GLIPR1L1: variants seen among roughly 807,000 people sequenced by gnomAD.
GLIPR1L1 encodes GLIPR1 like 1.
A neutral mutation model predicts 29.9 loss-of-function variants in GLIPR1L1; 26 were observed. The observed-to-expected ratio is 0.87, with a 90% CI of 0.64 to 1.21. The LOEUF (loss-of-function observed/expected upper bound fraction) is 1.21, where lower values mean the gene tolerates loss of function less well. Ranked by LOEUF, GLIPR1L1 falls within the 50% of genes most tolerant of loss-of-function variation. The pLI is 0.00. For missense variants in GLIPR1L1, 305 were observed against 290.3 expected, an observed-to-expected ratio of 1.05 and a Z score of -0.37; for synonymous variants, 77 against 97.5, an observed-to-expected ratio of 0.79 and a Z score of 1.24.
intron 4 of GLIPR1L1, chr12:75,369,443 G>T (rs1028933611): frequency 2.7e-5 from 23 of 837,578 alleles, no homozygotes; most frequent in Admixed American, 6.2e-5. Flanking sequence ...GTAGTAGAAG[G>T]TCAAAAAAAT....
chr12:75,365,564 C>T (rs1376530852), intron 4 of GLIPR1L1, among the ~76,000 whole-genome samples: 1 of 151,948 alleles, frequency 6.6e-6, no homozygotes, highest in African/African-American at 2.4e-5. Flanking sequence ...AAAATGTTTT[C>T]CTATCATTTT....
At position 75,343,832 on chromosome 12, in the gene GLIPR1L1, T is replaced by C. The variant is rs777594867; in HGVS notation, c.314T>C (p.Ile105Thr). 4.3e-6 allele frequency: 7 copies of C among 1,613,276 alleles called. No homozygotes were observed. The South Asian group carries it at 6.6e-5, about 15-fold the overall frequency. Residue 105 changes from isoleucine (I) to threonine (T), a missense_variant, in exon 2 of 6, where the codon ATA becomes ACA. Ile to Thr is a moderately conservative substitution (Grantham distance 89, BLOSUM62 -1). Coordinates refer to ENST00000378695, the MANE Select transcript of GLIPR1L1 (RefSeq NM_001304964.2). Reference protein sequence around the residue: ...YVGENIWLGGIKSFTPRHAIT... With the variant: ...YVGENIWLGGTKSFTPRHAIT... ...GGAGAAAATATCTGGTTAGGTGGAA[T>C]AAAGTCATTCACACCAAGACATGCC... is the stretch of plus-strand genomic sequence containing the variant.
chr12:75,360,502 A>T (rs2043501797), intron 3 of GLIPR1L1: 1 of 152,184 alleles, frequency 6.6e-6, no homozygotes, highest in South Asian at 2.1e-4. Context: ...CACAAGTCCA[A>T]AATCCAGTGG....
chr12:75,343,561 A>T (rs2042255888), intron 1 of GLIPR1L1, 132 bp from the exon 2 acceptor site: 2 of 709,672 alleles, frequency 2.8e-6, no homozygotes, highest in Non-Finnish European at 4.5e-6. Flanking sequence ...CTATGCACAT[A>T]ATAAATACCA....
rs144691055 is a variant in GLIPR1L1, at chr12:75,347,645, T to C, written c.444T>C (p.Tyr148=). The change falls in exon 3 of 6, where the codon TAT becomes TAC. Residue 148 remains tyrosine (Y), a synonymous_variant. Coordinates refer to ENST00000378695, the MANE Select transcript of GLIPR1L1 (RefSeq NM_001304964.2). Reference sequence around the variant, plus strand: ...AGTTAGTTTGGGCCAATTCATTTTATGTCGGTTGTGCAGTTGCAATGTGTC... The same window carrying C: ...AGTTAGTTTGGGCCAATTCATTTTACGTCGGTTGTGCAGTTGCAATGTGTC... ...YTQLVWANSF[Y]VGCAVAMCPN... 7.8e-5 allele frequency: 125 copies of C among 1,609,710 alleles called. No individual in the cohort carries two copies. The African/African-American group carries it at 1.3e-3, about 16-fold the overall frequency.
chr12:75,341,613 A>T (rs982667277), intron 1 of GLIPR1L1, among the ~76,000 whole-genome samples: 38 of 151,166 alleles, frequency 2.5e-4, no homozygotes, highest in African/African-American at 9.0e-4. Flanking sequence ...CGCCCGCAGA[A>T]TTTTTTGTAT....
intron 1 of GLIPR1L1, among the ~76,000 whole-genome samples, chr12:75,337,835 T>C (rs1291127737): frequency 6.6e-6 from 1 of 152,174 alleles, no homozygotes; most frequent in African/African-American, 2.4e-5. Context: ...TTTTCGACTA[T>C]TGTCTTCTTT....
At chr12:75,339,358 G>C (rs2139282454) in intron 1 of GLIPR1L1, among the ~76,000 whole-genome samples, 1 of 152,170 alleles carries the variant, frequency 6.6e-6, no homozygotes, top group African/African-American at 2.4e-5. Context: ...AACTGATGTT[G>C]AGCTTTTTTT....
At position 75,370,459 on chromosome 12, in the gene GLIPR1L1, A is replaced by C; in HGVS notation, c.*283A>C. On this transcript the variant is annotated 3_prime_UTR_variant, in exon 6 of 6. Coordinates refer to ENST00000378695, the MANE Select transcript of GLIPR1L1 (RefSeq NM_001304964.2). The stretch of plus-strand genomic sequence containing the variant: ...GAGAATGGATTATCATTTTAGTTAT[A>C]GTACATTTAGAGAACTAAAGACTTT... 1 of 230,206 alleles carries C rather than the reference A, an allele frequency of 4.3e-6. No homozygotes were observed. Among genetic ancestry groups the C allele is most frequent in the South Asian group, 1.1e-4 (1 of 9,358 alleles). 14.3% of individuals were successfully genotyped at this position (230,206 alleles called of 1,614,324 possible).
chr12:75,364,351 C>T (rs534370448), intron 4 of GLIPR1L1, among the ~76,000 whole-genome samples: 46 of 152,180 alleles, frequency 3.0e-4, no homozygotes, highest in Non-Finnish European at 5.0e-4. Flanking sequence ...TTACATTCTC[C>T]CCCTTCTGGC....
rs1419519331 is a variant in GLIPR1L1, at chr12:75,363,103, G to A, written c.523G>A (p.Gly175Arg). The change falls in exon 4 of 6, where the codon GGA (glycine) becomes AGA (arginine). Residue 175 changes from glycine (G) to arginine (R), a missense_variant and splice_region_variant. Physicochemically the swap from Gly to Arg is moderately radical, Grantham distance 125 (BLOSUM62 -2). Coordinates refer to ENST00000378695, the MANE Select transcript of GLIPR1L1 (RefSeq NM_001304964.2). ...AATCAATGTTTCTCTTTTTTACAGAGGAAATTTTGCAAATATGCCTCCTTA... is the reference window on the plus strand; with the variant it reads ...AATCAATGTTTCTCTTTTTTACAGAAGAAATTTTGCAAATATGCCTCCTTA... ...AIFVCNYGPA[G>R]NFANMPPYVR... 19 of 1,530,052 alleles carry A rather than the reference G, an allele frequency of 1.2e-5. No individual in the cohort carries two copies. Among genetic ancestry groups the A allele is most frequent in the Non-Finnish European group, 1.7e-5 (19 of 1,137,082 alleles). 94.8% of individuals were successfully genotyped at this position (1,530,052 alleles called of 1,614,324 possible).
At chr12:75,336,710 T>A (rs2041760753) in intron 1 of GLIPR1L1, among the ~76,000 whole-genome samples, 1 of 151,790 alleles carries the variant, frequency 6.6e-6, no homozygotes, top group South Asian at 2.1e-4. Flanking sequence ...ATTTTAATCT[T>A]AGTGAGTAAG....
In GLIPR1L1 at chr12:75,347,702, T is replaced by C. The variant is rs751072576; in HGVS notation, c.501T>C (p.Phe167=). ...PNLGGASTAI[F]VCNYGPAGNF... Reference sequence around the variant, plus strand: ...TTGGGGGAGCTTCAACTGCAATATTTGTATGCAACTACGGACCTGCGTGAG... The same window carrying C: ...TTGGGGGAGCTTCAACTGCAATATTCGTATGCAACTACGGACCTGCGTGAG... The change falls in exon 3 of 6, where the codon TTT becomes TTC. Residue 167 remains phenylalanine (F), a synonymous_variant. Transcript: ENST00000378695. The C allele has an allele frequency of 6.2e-7, 1 of 1,600,938 alleles. No homozygotes were observed. The highest frequency in any genetic ancestry group is 8.5e-7 in the Non-Finnish European group (1 of 1,170,594).
chr12:75,339,176 A>C lies in GLIPR1L1; in HGVS notation c.174+4274A>C, dbSNP rs188704618. 9.2e-5 allele frequency among the ~76,000 whole-genome samples: 14 copies of C among 152,320 alleles called. No homozygotes were observed. In the East Asian group the frequency reaches 2.7e-3, roughly 29 times the overall value. On this transcript the variant is annotated intron_variant, in intron 1 of 5. Transcript: ENST00000378695. ...GACTCTAGATCTTTGAGGAATTGCC[A>C]CACTGTCCTCCACAATGGGTAAACT...
chr12:75,356,481 C>T (rs1310041733), intron 3 of GLIPR1L1, among the ~76,000 whole-genome samples: 1 of 152,002 alleles, frequency 6.6e-6, no homozygotes, highest in Non-Finnish European at 1.5e-5. Context: ...CTAACTTGAT[C>T]GTGATAAGTA....
intron 4 of GLIPR1L1, 139 bp from the exon 5 acceptor site, chr12:75,369,821 A>C: frequency 7.6e-7 from 1 of 1,314,830 alleles, no homozygotes; most frequent in South Asian, 2.1e-5. Flanking sequence ...AGGATTGAGT[A>C]GGAAAGTTTC....
chr12:75,343,495 T>C (rs113522398), intron 1 of GLIPR1L1, among the ~76,000 whole-genome samples, 198 bp from the exon 2 acceptor site: 1 of 152,002 alleles, frequency 6.6e-6, no homozygotes, highest in Non-Finnish European at 1.5e-5. Context: ...CAATGAACTG[T>C]CATAGAGTGA....
intron 1 of GLIPR1L1, among the ~76,000 whole-genome samples, chr12:75,337,570 T>C (rs538162538): frequency 6.6e-6 from 1 of 152,092 alleles, no homozygotes; most frequent in South Asian, 2.1e-4. Context: ...GTTTATTGAA[T>C]GATTACTAGT....
At chr12:75,359,745 A>C (rs919069204) in intron 3 of GLIPR1L1, 1 of 152,128 alleles carries the variant, frequency 6.6e-6, no homozygotes, top group Non-Finnish European at 1.5e-5. Context: ...AGTGGAAAAA[A>C]AATTAATAAA....
Sources: allele counts gnomAD v4.1 joint callset (sites outside exome capture counted in the v4.1 genomes callset), GRCh38; gene constraint gnomAD v4.1.1; transcripts MANE v1.5; gene names NCBI Gene and HGNC (gene_info 2026-07-23, HGNC 2026-07-21).